SV2B: variants seen among roughly 807,000 people sequenced by gnomAD.
SV2B encodes solute carrier family 22 member B2.
In SV2B, 41 loss-of-function variants were observed where a neutral mutation model predicts 73.9. The observed-to-expected ratio is 0.56, with a 90% confidence interval of 0.43 to 0.72. SV2B has a LOEUF of 0.72. Ranked by LOEUF, SV2B falls within the 30% of genes least tolerant of loss-of-function variation. The pLI, the probability that SV2B is intolerant of heterozygous loss-of-function variation, is 0.00. For synonymous variants in SV2B, 314 were observed against 314.2 expected (o/e 1.00, Z 0.01); for missense variants, 764 against 857.8 (o/e 0.89, Z 1.37).
At chr15:91,147,613 G>A (rs775776237) in intron 1 of SV2B, among the ~76,000 whole-genome samples, 1 of 152,104 alleles carries the variant, frequency 6.6e-6, no homozygotes, top group South Asian at 2.1e-4. Flanking sequence ...TCTCATTCCC[G>A]AAGGCCATAG....
rs1294832585 is a variant in SV2B at position 91,129,003 on chromosome 15, C to T, written c.-392+28640C>T. Among the ~76,000 whole-genome samples, 4 of 152,216 alleles carry T rather than the reference C, an allele frequency of 2.6e-5. No homozygotes were observed. Among genetic ancestry groups the T allele is most frequent in the African/African-American group, 9.7e-5 (4 of 41,446 alleles). ...CAAATAAAGTTGTATGCCTGCCTTC[C>T]AATTAATCTGCTTTTGTGAGTTGAT... On this transcript the variant is annotated intron_variant, in intron 1 of 12. Coordinates refer to ENST00000394232, the MANE Select transcript of SV2B (RefSeq NM_001323032.3). This position sits in a 1 kb window ranked among gnomAD's most constrained non-coding sequence, Gnocchi z 5.1.
rs1478450098 is a variant in SV2B at position 91,292,472 on chromosome 15, C to T, written c.1972C>T (p.Leu658Phe). Residue 658 changes from leucine (L) to phenylalanine (F), a missense_variant, in exon 13 of 13, where the codon CTT becomes TTT. By Grantham distance (22) the Leu-to-Phe change is conservative (BLOSUM62 0). Coordinates refer to ENST00000394232, the MANE Select transcript of SV2B (RefSeq NM_001323032.3). ...FVGITKVVPI[L>F]LAAASLVGGG... is the part of the protein sequence containing the mutation. The stretch of plus-strand genomic sequence containing the variant: ...TGGGATAACCAAAGTGGTCCCCATC[C>T]TTCTGGCTGCTGCTTCTCTGGTTGG... 2 of 1,614,218 alleles carry T rather than the reference C, an allele frequency of 1.2e-6. No individual in the cohort carries two copies. The highest frequency in any genetic ancestry group is 1.1e-5 in the South Asian group (1 of 91,084).
intron 2 of SV2B, among the ~76,000 whole-genome samples, chr15:91,247,655 C>A (rs2047292181): frequency 6.6e-6 from 1 of 152,136 alleles, no homozygotes. Context: ...GTGGCCTCTG[C>A]TAATTGGATG....
intron 11 of SV2B, among the ~76,000 whole-genome samples, chr15:91,286,911 A>G (rs1358264136): frequency 6.6e-6 from 1 of 152,170 alleles, no homozygotes; most frequent in African/African-American, 2.4e-5. Flanking sequence ...TTGAAGGATC[A>G]GGGAAGGCCT....
chr15:91,233,496 C>T (rs76705121), intron 2 of SV2B, among the ~76,000 whole-genome samples: 2 of 152,140 alleles, frequency 1.3e-5, no homozygotes, highest in Non-Finnish European at 2.9e-5. Context: ...GAATCTCATT[C>T]TGTGAGTGGC....
At chr15:91,259,472 A>T (rs571419995) in intron 5 of SV2B, among the ~76,000 whole-genome samples, 1 of 152,306 alleles carries the variant, frequency 6.6e-6, no homozygotes, top group Non-Finnish European at 1.5e-5. Context: ...TTTGATCAGG[A>T]GGCAGATGCA....
At chr15:91,113,859 G>A (rs2042103462) in intron 1 of SV2B, among the ~76,000 whole-genome samples, 1 of 152,074 alleles carries the variant, frequency 6.6e-6, no homozygotes, top group African/African-American at 2.4e-5. Context: ...GGATTGTTGA[G>A]TCATTGAAGG....
intron 1 of SV2B, among the ~76,000 whole-genome samples, chr15:91,154,144 A>G (rs1411880703): frequency 6.8e-6 from 1 of 147,928 alleles, no homozygotes; most frequent in African/African-American, 2.4e-5. Flanking sequence ...TTTGATATTA[A>G]TTTATATTAT....
Position 91,214,923 on chromosome 15 carries a change from G to A in SV2B, c.-391-10950G>A, listed in dbSNP as rs1330060681. Among the ~76,000 whole-genome samples the A allele has an allele frequency of 2.6e-5, 4 of 152,294 alleles. No individual in the cohort carries two copies. The South Asian group carries it at 6.2e-4, about 24-fold the overall frequency. The stretch of plus-strand genomic sequence containing the variant: ...CTGTTTTGGATAAACTACAAGAGAC[G>A]CTGCTCAGTGATTCTTGATTCTGTT... On this transcript the variant is annotated intron_variant, in intron 1 of 12. Transcript: ENST00000394232. This position sits in a 1 kb window ranked among gnomAD's most constrained non-coding sequence, Gnocchi z 4.7.
At chr15:91,194,882 G>A (rs1025186671) in intron 1 of SV2B, among the ~76,000 whole-genome samples, 5 of 152,134 alleles carry the variant, frequency 3.3e-5, no homozygotes, top group Admixed American at 1.3e-4. Context: ...AATGTGAAAC[G>A]GCCTGTGTCT....
rs2046322082 is a variant in SV2B at position 91,224,807 on chromosome 15, C to T, written c.-391-1066C>T. Among the ~76,000 whole-genome samples, 2 of 152,178 alleles carry T rather than the reference C, an allele frequency of 1.3e-5. No individual in the cohort carries two copies. The highest frequency in any genetic ancestry group is 4.8e-5 in the African/African-American group (2 of 41,444). On this transcript the variant is annotated intron_variant, in intron 1 of 12. Transcript: ENST00000394232. The surrounding 1 kb of genome is among the most constrained non-coding windows in gnomAD (Gnocchi z 4.9). ...TACACTCAGCACATGTTCTGGCACA[C>T]AGTAGGCCACAATAAATGGTGGCCC...
At position 91,105,147 on chromosome 15, in the gene SV2B, C is replaced by T. The variant is rs2041847848; in HGVS notation, c.-392+4784C>T. Among the ~76,000 whole-genome samples the T allele has an allele frequency of 6.6e-6, 1 of 151,900 alleles. No homozygotes were observed. The highest frequency in any genetic ancestry group is 6.6e-5 in the Admixed American group (1 of 15,242). ...GCCAGGCATGTTATAGGAAGTAGAC[C>T]CATCTCATGAAGCATTCATTCTAGT... On this transcript the variant is annotated intron_variant, in intron 1 of 12. Transcript: ENST00000394232. This position sits in a 1 kb window ranked among gnomAD's most constrained non-coding sequence, Gnocchi z 5.5.
Position 91,258,669 on chromosome 15 carries a change from C to T in SV2B, c.918+115C>T. 6.8e-7 allele frequency: 1 copy of T among 1,473,050 alleles called. No individual in the cohort carries two copies. Among genetic ancestry groups the T allele is most frequent in the Non-Finnish European group, 9.1e-7 (1 of 1,096,018 alleles). The allele number at this position is 1,473,050 out of a possible 1,614,324, so 91.2% of individuals were successfully genotyped here. ...TCCTCTGCTGCTTATGTGTTGCAAA[C>T]TCTCCCCTGGTCGGCTGACCTCACT... On this transcript the variant is annotated intron_variant, in intron 5 of 12. Coordinates refer to ENST00000394232, the MANE Select transcript of SV2B (RefSeq NM_001323032.3). This position sits in a 1 kb window ranked among gnomAD's most constrained non-coding sequence, Gnocchi z 4.7.
chr15:91,172,965 A>G (rs2044176222), intron 1 of SV2B, among the ~76,000 whole-genome samples: 1 of 151,824 alleles, frequency 6.6e-6, no homozygotes, highest in African/African-American at 2.4e-5. Context: ...CAGACAATAC[A>G]CACGTGGATA....
At chr15:91,133,628 C>T (rs1002591526) in intron 1 of SV2B, among the ~76,000 whole-genome samples, 1 of 152,190 alleles carries the variant, frequency 6.6e-6, no homozygotes, top group African/African-American at 2.4e-5. Flanking sequence ...CTTCCATCCA[C>T]TGCCCAGGAG....
In SV2B at chr15:91,224,664, A is replaced by T. The variant is rs1201036946; in HGVS notation, c.-391-1209A>T. 6.6e-6 allele frequency among the ~76,000 whole-genome samples: 1 copy of T among 152,160 alleles called. No individual in the cohort carries two copies. The highest frequency in any genetic ancestry group is 1.5e-5 in the Non-Finnish European group (1 of 68,020). On this transcript the variant is annotated intron_variant, in intron 1 of 12. Transcript: ENST00000394232. The surrounding 1 kb of genome is among the most constrained non-coding windows in gnomAD (Gnocchi z 4.9). ...CCAGTGACCTGGTCCTAATGCTGTG[A>T]CCTTGATCGCGTTACTAACCCACTC...
chr15:91,166,786 T>C (rs927918452), intron 1 of SV2B, among the ~76,000 whole-genome samples: 2 of 151,820 alleles, frequency 1.3e-5, no homozygotes, highest in East Asian at 1.9e-4. Context: ...AATTTTTAGT[T>C]TTTTTGTATA....
At chr15:91,168,281 T>G (rs553405958) in intron 1 of SV2B, among the ~76,000 whole-genome samples, 1 of 131,342 alleles carries the variant, frequency 7.6e-6, no homozygotes, top group African/African-American at 2.9e-5. Flanking sequence ...GGGTCTACCT[T>G]TGGGCAAAAT....
chr15:91,201,078 T>C (rs2045443207), intron 1 of SV2B, among the ~76,000 whole-genome samples: 3 of 152,216 alleles, frequency 2.0e-5, no homozygotes, highest in Admixed American at 1.3e-4. Context: ...AAAATGGACA[T>C]GCTATTCCCT....
Sources: gnomAD v4.1 joint callset for allele counts (sites outside exome capture counted in the v4.1 genomes callset) on GRCh38, gnomAD v4.1.1 for gene constraint, Gnocchi (gnomAD v3.1) non-coding constraint, MANE v1.5 for transcripts, NCBI Gene and HGNC (gene_info 2026-07-23, HGNC 2026-07-21) for gene names.